TYR: variants seen among roughly 807,000 people sequenced by gnomAD.
TYR encodes the protein tyrosinase.
TYR carries 58 observed loss-of-function variants against 51.5 expected under a neutral mutation model. The observed-to-expected ratio is 1.13, with a 90% CI of 0.91 to 1.40. The LOEUF (loss-of-function observed/expected upper bound fraction) is 1.40. Among genes scored for constraint, TYR ranks in the 40% most tolerant of loss-of-function variants. The probability of loss-of-function intolerance (pLI) is 0.00; values close to 1 mark genes in which losing one functional copy is unlikely to be tolerated. For missense variants in TYR, 732 were observed against 647.4 expected (o/e 1.13, Z -1.42); for synonymous variants, 263 against 235.2 (o/e 1.12, Z -1.08).
intron 4 of TYR, among the ~76,000 whole-genome samples, chr11:89,294,635 A>G (rs1045583527): frequency 6.6e-6 from 1 of 152,244 alleles, no homozygotes; most frequent in African/African-American, 2.4e-5. Flanking sequence ...CTGTTTCAAG[A>G]TTTAAGACTG....
In TYR at chr11:89,178,269, G is replaced by T. The variant is rs759163678; in HGVS notation, c.316G>T (p.Gly106Cys). The change falls in exon 1 of 5, where the codon GGC becomes TGC. Residue 106 changes from glycine (G) to cysteine (C), a missense_variant. By Grantham distance (159) the Gly-to-Cys change is radical. Transcript: ENST00000263321. ...ATTCAACTGTGGAAACTGCAAGTTT[G>T]GCTTTTGGGGACCAAACTGCACAGA... Reference protein sequence around the residue: ...MGFNCGNCKFGFWGPNCTERR... With the variant: ...MGFNCGNCKFCFWGPNCTERR... The T allele has an allele frequency of 1.2e-6, 2 of 1,614,178 alleles. No homozygotes were observed. The highest frequency in any genetic ancestry group is 4.5e-5 in the East Asian group (2 of 44,866).
At chr11:89,257,103 G>A (rs1944401734) in intron 3 of TYR, among the ~76,000 whole-genome samples, 3 of 151,944 alleles carry the variant, frequency 2.0e-5, no homozygotes, top group African/African-American at 4.8e-5. Flanking sequence ...AAACAAGAAG[G>A]AACAAGTCCT....
chr11:89,292,896 C>T (rs2135330698), intron 4 of TYR, among the ~76,000 whole-genome samples: 1 of 152,178 alleles, frequency 6.6e-6, no homozygotes, highest in African/African-American at 2.4e-5. Flanking sequence ...GTCAGTATAG[C>T]ACAGGGATTT....
At chr11:89,255,173 A>G (rs1313109411) in intron 3 of TYR, among the ~76,000 whole-genome samples, 1 of 151,698 alleles carries the variant, frequency 6.6e-6, no homozygotes, top group Non-Finnish European at 1.5e-5. Context: ...GTGGTCTGAG[A>G]GAGTACTTGA....
At chr11:89,278,391 G>A (rs528965900) in intron 3 of TYR, among the ~76,000 whole-genome samples, 1 of 151,476 alleles carries the variant, frequency 6.6e-6, no homozygotes, top group East Asian at 2.0e-4. Context: ...CCAATGCTGG[G>A]CCCAGAGCCA....
chr11:89,294,531 A>G (rs746721514), intron 4 of TYR, among the ~76,000 whole-genome samples: 1 of 152,230 alleles, frequency 6.6e-6, no homozygotes, highest in Non-Finnish European at 1.5e-5. Context: ...ACCGCGGCAC[A>G]GGGCCCACTC....
In TYR at chr11:89,232,471, T is replaced by C. The variant is rs926688008; in HGVS notation, c.1184+4501T>C. 2.1e-5 allele frequency among the ~76,000 whole-genome samples: 3 copies of C among 143,212 alleles called. 1 individual carries two copies. The highest frequency in any genetic ancestry group is 6.9e-5 in the Admixed American group (1 of 14,468). 94.0% of individuals were successfully genotyped at this position (143,212 alleles called of 152,430 possible). Reference sequence around the variant, plus strand: ...ACAGAAAACCAAGCACTGCATGTTTTCTCTTATAAGTGGGAGGTAAACATT... The same window carrying C: ...ACAGAAAACCAAGCACTGCATGTTTCCTCTTATAAGTGGGAGGTAAACATT... On this transcript the variant is annotated intron_variant, in intron 3 of 4. Transcript: ENST00000263321.
intron 3 of TYR, among the ~76,000 whole-genome samples, chr11:89,231,736 C>T (rs1476724594): frequency 7.0e-6 from 1 of 142,176 alleles, no homozygotes; most frequent in Admixed American, 7.0e-5. Context: ...GTACTCATAG[C>T]ACTTTGGGAG....
chr11:89,226,422 T>A (rs543550809), intron 2 of TYR, among the ~76,000 whole-genome samples: 1 of 152,248 alleles, frequency 6.6e-6, no homozygotes, highest in East Asian at 1.9e-4. Context: ...AAGTGTCATG[T>A]ATGTATATTC....
At position 89,284,879 on chromosome 11, in the gene TYR, C is replaced by G; in HGVS notation, c.1291C>G (p.Pro431Ala). The change falls in exon 4 of 5, where the codon CCA (proline) becomes GCA (alanine). Residue 431 changes from proline (P) to alanine (A), a missense_variant. Physicochemically the swap from Pro to Ala is conservative, Grantham distance 27. Transcript: ENST00000263321. Reference protein sequence around the residue: ...NRESYMVPFIPLYRNGDFFIS... With the variant: ...NRESYMVPFIALYRNGDFFIS... ...GGAATCCTACATGGTTCCTTTTATA[C>G]CACTGTACAGAAATGGTGATTTCTT... 1 of 1,611,744 alleles carries G rather than the reference C, an allele frequency of 6.2e-7. No homozygotes were observed. The highest frequency in any genetic ancestry group is 8.5e-7 in the Non-Finnish European group (1 of 1,178,434).
At chr11:89,281,988 T>C (rs1044443113) in intron 3 of TYR, among the ~76,000 whole-genome samples, 2 of 151,822 alleles carry the variant, frequency 1.3e-5, no homozygotes, top group Non-Finnish European at 2.9e-5. Flanking sequence ...AATATTCCCA[T>C]GTGAGCTATT....
chr11:89,266,742 A>G (rs773326471), intron 3 of TYR, among the ~76,000 whole-genome samples: 6 of 152,022 alleles, frequency 3.9e-5, no homozygotes, highest in African/African-American at 1.4e-4. Flanking sequence ...GTCTATAAGC[A>G]CCAAACTAAG....
At chr11:89,220,257 G>A (rs1019883508) in intron 2 of TYR, among the ~76,000 whole-genome samples, 2 of 152,204 alleles carry the variant, frequency 1.3e-5, no homozygotes, top group South Asian at 4.1e-4. Flanking sequence ...GTAGAAGGCA[G>A]AGAGCACGCA....
At chr11:89,268,829 C>G (rs933781981) in intron 3 of TYR, among the ~76,000 whole-genome samples, 2 of 151,746 alleles carry the variant, frequency 1.3e-5, no homozygotes, top group Non-Finnish European at 2.9e-5. Context: ...ACATTGCATC[C>G]CACACCAGAT....
At chr11:89,243,557 A>G (rs1028463230) in intron 3 of TYR, among the ~76,000 whole-genome samples, 1 of 152,196 alleles carries the variant, frequency 6.6e-6, no homozygotes. Context: ...TGTCCAGTTT[A>G]CCTAGCAAGA....
chr11:89,228,940 C>T (rs187734870), intron 3 of TYR, among the ~76,000 whole-genome samples: 1 of 151,710 alleles, frequency 6.6e-6, no homozygotes, highest in African/African-American at 2.4e-5. Context: ...TGTTCTTTGT[C>T]CCCTCTACAG....
At chr11:89,258,554 A>C (rs537769556) in intron 3 of TYR, among the ~76,000 whole-genome samples, 1 of 152,080 alleles carries the variant, frequency 6.6e-6, no homozygotes, top group Admixed American at 6.6e-5. Context: ...ATTTATGATC[A>C]TCTTCTTTGA....
At chr11:89,249,471 CAAA>C (rs35342940) in intron 3 of TYR, among the ~76,000 whole-genome samples, 1 of 69,776 alleles carries the variant, frequency 1.4e-5, no homozygotes, top group Non-Finnish European at 2.7e-5. Flanking sequence ...GCCATGTAGC[CAAA>C]AAAAAAAAAA....
At chr11:89,183,021 C>G (rs930146955) in intron 1 of TYR, among the ~76,000 whole-genome samples, 13 of 152,022 alleles carry the variant, frequency 8.6e-5, no homozygotes, top group Admixed American at 2.0e-4. Flanking sequence ...ATGACGACAG[C>G]TCAGTGAAAT....
Sources: gnomAD v4.1 joint callset for allele counts (sites outside exome capture counted in the v4.1 genomes callset) on GRCh38, gnomAD v4.1.1 for gene constraint, MANE v1.5 for transcripts, NCBI Gene and HGNC (gene_info 2026-07-23, HGNC 2026-07-21) for gene names.